MROH9: variants seen among roughly 807,000 people sequenced by gnomAD.
MROH9 encodes the protein maestro heat like repeat family member 9.
Under a neutral mutation model 98.2 loss-of-function variants are expected in MROH9, and 92 were observed. The ratio of observed to expected loss-of-function variants is 0.94; its 90% CI spans 0.79 to 1.11. The LOEUF (loss-of-function observed/expected upper bound fraction) is 1.11. Among genes scored for constraint, MROH9 ranks in the 50% most tolerant of loss-of-function variants. MROH9 has a pLI of 0.00. For synonymous variants in MROH9, 397 were observed against 368.9 expected (o/e 1.08, Z -0.87); for missense variants, 1,057 against 1,014.8 (o/e 1.04, Z -0.57).
At chr1:171,018,742 G>A (rs1652411190) in intron 17 of MROH9, among the ~76,000 whole-genome samples, 1 of 152,164 alleles carries the variant, frequency 6.6e-6, no homozygotes, top group Non-Finnish European at 1.5e-5. Context: ...AACAGCACAA[G>A]AACTTTATGA....
At chr1:171,007,586 G>A (rs1432889653) in intron 15 of MROH9, among the ~76,000 whole-genome samples, 2 of 152,192 alleles carry the variant, frequency 1.3e-5, no homozygotes, top group African/African-American at 4.8e-5. Flanking sequence ...GAAGCTAAAA[G>A]GGGCTGGAGT....
At chr1:170,982,228 TG>T (rs1336089729) in intron 8 of MROH9, among the ~76,000 whole-genome samples, 43 of 151,722 alleles carry the variant, frequency 2.8e-4, no homozygotes, top group African/African-American at 9.7e-4. Flanking sequence ...TAAAGAGATT[TG>T]GGTATGTACA....
At chr1:170,937,065 A>G (rs907798808) in intron 1 of MROH9, among the ~76,000 whole-genome samples, 1 of 152,254 alleles carries the variant, frequency 6.6e-6, no homozygotes, top group Non-Finnish European at 1.5e-5. Context: ...AGGAGGAGAG[A>G]TAAGGCTCAC....
At chr1:171,047,832 T>C (rs947616078) in intron 20 of MROH9, among the ~76,000 whole-genome samples, 5 of 152,164 alleles carry the variant, frequency 3.3e-5, no homozygotes, top group African/African-American at 1.2e-4. Flanking sequence ...TTGAAAGGAC[T>C]TAGGTGTTGT....
intron 21 of MROH9, among the ~76,000 whole-genome samples, 152 bp downstream of exon 21, chr1:171,062,346 T>G (rs1423263975): frequency 6.6e-6 from 1 of 152,212 alleles, no homozygotes; most frequent in Non-Finnish European, 1.5e-5. Flanking sequence ...GAAGAATCAA[T>G]GAAAGGACTG....
intron 20 of MROH9, among the ~76,000 whole-genome samples, chr1:171,046,182 G>A (rs939618426): frequency 4.6e-5 from 7 of 152,028 alleles, no homozygotes; most frequent in Non-Finnish European, 1.0e-4. Flanking sequence ...CTCTATGTGT[G>A]TCTTTATAGG....
At chr1:170,938,127 C>T (rs540676932) in intron 1 of MROH9, among the ~76,000 whole-genome samples, 23 of 152,118 alleles carry the variant, frequency 1.5e-4, no homozygotes, top group African/African-American at 5.1e-4. Flanking sequence ...CAACCAGCAC[C>T]ATAACTCCCT....
chr1:170,958,019 C>T (rs372285098), intron 3 of MROH9, among the ~76,000 whole-genome samples: 1 of 151,974 alleles, frequency 6.6e-6, no homozygotes, highest in Non-Finnish European at 1.5e-5. Context: ...CCGTATTAGC[C>T]AGGATGGTCT....
At position 170,997,089 on chromosome 1, in the gene MROH9, A is replaced by AG. The variant is rs1009512480; in HGVS notation, c.1475+450dup. 8.5e-5 allele frequency among the ~76,000 whole-genome samples: 13 copies of AG among 152,256 alleles called. No individual in the cohort carries two copies. In the East Asian group the frequency reaches 1.2e-3, roughly 14 times the overall value. ...AACTTTTATTTTTCTTGTACTGGAA[A>AG]GGGGGTTTTCTAGTTAACCCTTTAG... On this transcript the variant is annotated intron_variant, in intron 14 of 21. Coordinates refer to ENST00000367759, the MANE Select transcript of MROH9 (RefSeq NM_001163629.2).
At position 171,064,179 on chromosome 1, in the gene MROH9, G is replaced by A. The variant is rs935505662; in HGVS notation, c.2425G>A (p.Ala809Thr). 6.4e-6 allele frequency: 10 copies of A among 1,550,854 alleles called. No individual in the cohort carries two copies. Among genetic ancestry groups the A allele is most frequent in the Non-Finnish European group, 8.7e-6 (10 of 1,146,778 alleles). Residue 809 changes from alanine to threonine, a missense_variant, in exon 22 of 22, where the codon GCC (alanine) becomes ACC (threonine). By Grantham distance (58) the Ala-to-Thr change is moderately conservative. Coordinates refer to ENST00000367759, the MANE Select transcript of MROH9 (RefSeq NM_001163629.2). ...AACCTATGATATTTTTAAGAAAAAA[G>A]CCCATAAACTGACCTCTGCACCTCT... ...EITYDIFKKKAHKLTSAPLKQ... is the reference protein window; with the variant it reads ...EITYDIFKKKTHKLTSAPLKQ...
chr1:171,038,784 C>T (rs1253892910), intron 20 of MROH9, among the ~76,000 whole-genome samples: 1 of 152,090 alleles, frequency 6.6e-6, no homozygotes, highest in Non-Finnish European at 1.5e-5. Context: ...CATAGTGACA[C>T]CATTAGTTCA....
intron 14 of MROH9, 79 bp downstream of exon 14, chr1:170,996,723 A>G: frequency 7.2e-7 from 1 of 1,393,596 alleles, no homozygotes; most frequent in Non-Finnish European, 9.9e-7. Flanking sequence ...CCATGCGGGA[A>G]CAAGATAGGC....
chr1:171,031,346 C>A (rs1375018787), intron 20 of MROH9, among the ~76,000 whole-genome samples: 1 of 152,170 alleles, frequency 6.6e-6, no homozygotes, highest in Non-Finnish European at 1.5e-5. Flanking sequence ...GGTTATTTTG[C>A]ACACTAGTTG....
At chr1:170,938,615 C>A (rs2101859418) in intron 1 of MROH9, among the ~76,000 whole-genome samples, 1 of 152,184 alleles carries the variant, frequency 6.6e-6, no homozygotes, top group East Asian at 1.9e-4. Flanking sequence ...GAAGTGAGTT[C>A]CTTGATCAGA....
intron 16 of MROH9, 82 bp from the exon 17 acceptor site, chr1:171,016,081 C>G (rs1312691108): frequency 1.0e-6 from 1 of 982,392 alleles, no homozygotes; most frequent in Non-Finnish European, 1.4e-6. Flanking sequence ...ATGTGCCGCC[C>G]AGACTCAAGG....
At chr1:170,946,917 C>T (rs1649352948) in intron 2 of MROH9, among the ~76,000 whole-genome samples, 1 of 151,834 alleles carries the variant, frequency 6.6e-6, no homozygotes, top group Non-Finnish European at 1.5e-5. Flanking sequence ...AGTTATAATT[C>T]AAACAAAATT....
At chr1:171,014,459 AC>A (rs1652263033) in intron 16 of MROH9, among the ~76,000 whole-genome samples, 1 of 146,656 alleles carries the variant, frequency 6.8e-6, no homozygotes, top group Non-Finnish European at 1.5e-5. Context: ...TTATCGCCTT[AC>A]TTTTTTTTTT....
intron 8 of MROH9, among the ~76,000 whole-genome samples, chr1:170,981,425 C>A (rs1190047480): frequency 6.6e-6 from 1 of 152,178 alleles, no homozygotes; most frequent in Non-Finnish European, 1.5e-5. Flanking sequence ...GAATACTATG[C>A]AGGCACAAAA....
chr1:171,054,089 C>G (rs970793746), intron 20 of MROH9, among the ~76,000 whole-genome samples: 1 of 152,128 alleles, frequency 6.6e-6, no homozygotes, highest in Admixed American at 6.5e-5. Context: ...AAAAAGTTCT[C>G]AAATTAATCT....
Sources: allele counts gnomAD v4.1 joint callset (sites outside exome capture counted in the v4.1 genomes callset), GRCh38; gene constraint gnomAD v4.1.1; transcripts MANE v1.5; gene names NCBI Gene and HGNC (gene_info 2026-07-23, HGNC 2026-07-21).